The following ROCK1 variants were observed in gnomAD, a reference collection of about 807,000 sequenced individuals.
The protein encoded by ROCK1 is rho-associated protein kinase 1.
A neutral mutation model predicts 196.8 loss-of-function variants in ROCK1; 36 were observed. That is an observed-to-expected ratio of 0.18 (90% confidence interval 0.14 to 0.24). The LOEUF is 0.24. Ranked by LOEUF, ROCK1 falls within the 10% of genes least tolerant of loss-of-function variation. The pLI is 1.00. For synonymous variants in ROCK1, 443 were observed against 515.9 expected, an observed-to-expected ratio of 0.86 and a Z score of 1.91; for missense variants, 920 against 1,562.0, an observed-to-expected ratio of 0.59 and a Z score of 6.93.
At chr18:21,006,225 TATG>T (rs2035767443) in intron 16 of ROCK1, 123 bp downstream of exon 16, 1 of 715,892 alleles carries the variant, frequency 1.4e-6, no homozygotes, top group Non-Finnish European at 2.3e-6. Context: ...ATTCCACTTA[TATG>T]ATGATGGTTG....
chr18:20,999,673 A>G (rs2143423822), intron 16 of ROCK1, among the ~76,000 whole-genome samples: 1 of 152,374 alleles, frequency 6.6e-6, no homozygotes, highest in African/African-American at 2.4e-5. Flanking sequence ...AAATGAAAAT[A>G]TATCCTTGTT....
chr18:20,988,706 G>A (rs1428537819), intron 18 of ROCK1, among the ~76,000 whole-genome samples: 2 of 152,096 alleles, frequency 1.3e-5, no homozygotes, highest in Non-Finnish European at 2.9e-5. Context: ...AGCTCAGAAA[G>A]CCTTCCTCAG....
At position 20,949,346 on chromosome 18, in the gene ROCK1, C is replaced by G. The variant is rs2035159922; in HGVS notation, c.*2038G>C. 1 of 152,170 alleles carries G rather than the reference C, an allele frequency of 6.6e-6. No homozygotes were observed. The highest frequency in any genetic ancestry group is 2.4e-5 in the African/African-American group (1 of 41,428). 9.4% of individuals were successfully genotyped at this position (152,170 alleles called of 1,614,324 possible). ...GACAAAAGAGATGAGACCCCTGGGT[C>G]AGAGTCAGATGACTTCATTCACAGC... On this transcript the variant is annotated 3_prime_UTR_variant, in exon 33 of 33. Coordinates refer to ENST00000399799, the MANE Select transcript of ROCK1 (RefSeq NM_005406.3).
At position 21,027,729 on chromosome 18, in the gene ROCK1, A is replaced by ATT. The variant is rs200194745; in HGVS notation, c.1211+1046_1211+1047insAA. Among the ~76,000 whole-genome samples, 1,417 of 150,614 alleles carry ATT rather than the reference A, an allele frequency of 9.4e-3. 20 individuals are homozygous for ATT. The highest frequency in any genetic ancestry group is 0.033 in the African/African-American group (1,362 of 40,864). On this transcript the variant is annotated intron_variant, in intron 10 of 32. Coordinates refer to ENST00000399799, the MANE Select transcript of ROCK1 (RefSeq NM_005406.3). The stretch of plus-strand genomic sequence containing the variant: ...TACTACATTTTATAACACATGGTAA[A>ATT]ATTTGGGGAGGAATCACTTAATTTT...
chr18:21,070,860 G>C (rs1236044553), intron 1 of ROCK1, among the ~76,000 whole-genome samples: 1 of 152,072 alleles, frequency 6.6e-6, no homozygotes, highest in African/African-American at 2.4e-5. Context: ...GGCTGCAAGT[G>C]ATTTCAATCC....
Position 20,968,456 on chromosome 18 carries a change from A to C in ROCK1, c.3003+316T>G, listed in dbSNP as rs1013608455. 13 of 225,464 alleles carry C rather than the reference A, an allele frequency of 5.8e-5. 1 individual carries two copies. The highest frequency in any genetic ancestry group is 1.7e-4 in the Admixed American group (3 of 17,866). The allele number at this position is 225,464 out of a possible 1,614,324, so 14.0% of individuals were successfully genotyped here. On this transcript the variant is annotated intron_variant, in intron 25 of 32. Transcript: ENST00000399799. ...TGACTAGCTGGTATTACTGGAGCGC[A>C]CCACCACGCCCGGCTAATTTTTGTA... is the stretch of plus-strand genomic sequence containing the variant.
intron 9 of ROCK1, among the ~76,000 whole-genome samples, chr18:21,035,510 T>A (rs182531797): frequency 6.6e-6 from 1 of 152,232 alleles, no homozygotes; most frequent in East Asian, 1.9e-4. Context: ...ACTAACTAAT[T>A]ATCATATGAC....
intron 22 of ROCK1, among the ~76,000 whole-genome samples, chr18:20,973,335 T>TG (rs1488470563): frequency 2.6e-5 from 4 of 152,082 alleles, no homozygotes; most frequent in African/African-American, 9.7e-5. Flanking sequence ...TGGAGTGCAA[T>TG]GGCGCAATCT....
chr18:21,008,662 A>C (rs1318943902), intron 13 of ROCK1, among the ~76,000 whole-genome samples: 1 of 152,032 alleles, frequency 6.6e-6, no homozygotes, highest in Non-Finnish European at 1.5e-5. Flanking sequence ...ACTTTTTAAG[A>C]CTCCACATTA....
intron 18 of ROCK1, among the ~76,000 whole-genome samples, chr18:20,989,173 C>T (rs944486018): frequency 6.6e-6 from 1 of 152,166 alleles, no homozygotes; most frequent in African/African-American, 2.4e-5. Flanking sequence ...ATGAGTAGAA[C>T]AACTCTTGGC....
At chr18:21,004,899 T>A (rs2035755538) in intron 16 of ROCK1, among the ~76,000 whole-genome samples, 1 of 152,204 alleles carries the variant, frequency 6.6e-6, no homozygotes, top group Non-Finnish European at 1.5e-5. Flanking sequence ...ACAACACTCC[T>A]CAGCTAAGAA....
At position 20,980,942 on chromosome 18, in the gene ROCK1, A is replaced by G. The variant is rs567535839; in HGVS notation, c.2560-938T>C. 1.8e-3 allele frequency among the ~76,000 whole-genome samples: 267 copies of G among 151,616 alleles called. 1 individual carries two copies. Among genetic ancestry groups the G allele is most frequent in the African/African-American group, 6.0e-3 (250 of 41,388 alleles). ...AAAAAAAAAAAAAAAAAGACATTAT[A>G]GCTTAATAAAGTGTATTATAGATTT... is the stretch of plus-strand genomic sequence containing the variant. On this transcript the variant is annotated intron_variant, in intron 21 of 32. Coordinates refer to ENST00000399799, the MANE Select transcript of ROCK1 (RefSeq NM_005406.3).
intron 11 of ROCK1, among the ~76,000 whole-genome samples, chr18:21,023,210 G>A (rs985374450): frequency 1.3e-5 from 2 of 152,058 alleles, no homozygotes; most frequent in South Asian, 2.1e-4. Flanking sequence ...TAATGCCACC[G>A]AACTGCACAC....
intron 2 of ROCK1, among the ~76,000 whole-genome samples, chr18:21,059,124 T>C (rs1190744883): frequency 2.0e-5 from 3 of 152,234 alleles, no homozygotes; most frequent in Non-Finnish European, 2.9e-5. Flanking sequence ...TCCAGTCTTA[T>C]AGTTCTAGAT....
chr18:21,100,218 T>C (rs1282351928), intron 1 of ROCK1, among the ~76,000 whole-genome samples: 1 of 151,798 alleles, frequency 6.6e-6, no homozygotes, highest in Non-Finnish European at 1.5e-5. Context: ...TCAGTCACTT[T>C]TTCTTCTTCT....
rs1484502264 is a variant in ROCK1 at position 20,950,225 on chromosome 18, T to C, written c.*1159A>G. ...TGTATTGCCATATTTCCTTTTTATGTTGGTGCAACCTTCTACATTTTTTGC... is the reference window on the plus strand; with the variant it reads ...TGTATTGCCATATTTCCTTTTTATGCTGGTGCAACCTTCTACATTTTTTGC... On this transcript the variant is annotated 3_prime_UTR_variant, in exon 33 of 33. Transcript: ENST00000399799. 6.6e-6 allele frequency: 1 copy of C among 152,478 alleles called. No individual in the cohort carries two copies. The highest frequency in any genetic ancestry group is 1.5e-5 in the Non-Finnish European group (1 of 68,040). The allele number at this position is 152,478 out of a possible 1,614,324, so 9.4% of individuals were successfully genotyped here. A position where few individuals can be genotyped will look rare whatever the true frequency, so the allele number is the denominator to read the frequency against.
intron 1 of ROCK1, among the ~76,000 whole-genome samples, chr18:21,072,146 CA>C (rs2036390952): frequency 6.6e-6 from 1 of 152,180 alleles, no homozygotes; most frequent in South Asian, 2.1e-4. Flanking sequence ...TGTTGTTACA[CA>C]TGGGCATCTG....
chr18:21,028,672 G>A, intron 10 of ROCK1, 104 bp downstream of exon 10: 1 of 944,528 alleles, frequency 1.1e-6, no homozygotes, highest in Non-Finnish European at 1.5e-6. Context: ...TGCATAATAA[G>A]GTGTATCTTT....
At chr18:21,094,189 G>C (rs2036594027) in intron 1 of ROCK1, among the ~76,000 whole-genome samples, 1 of 152,178 alleles carries the variant, frequency 6.6e-6, no homozygotes, top group South Asian at 2.1e-4. Context: ...AAAAACGTAA[G>C]AGAACACAGA....
Sources: gnomAD v4.1 joint callset for allele counts (sites outside exome capture counted in the v4.1 genomes callset) on GRCh38, gnomAD v4.1.1 for gene constraint, MANE v1.5 for transcripts, NCBI Gene and HGNC (gene_info 2026-07-23, HGNC 2026-07-21) for gene names.